DNAJC7: variants seen among roughly 807,000 people sequenced by gnomAD.
The protein encoded by DNAJC7 is dnaJ homolog subfamily C member 7.
In DNAJC7, 18 loss-of-function variants were observed where a neutral mutation model predicts 67.4. That is an observed-to-expected ratio of 0.27 (90% confidence interval 0.18 to 0.40). The LOEUF is 0.40. DNAJC7 is among the 10% of genes least tolerant of loss of function. DNAJC7 has a pLI of 1.00. For synonymous variants in DNAJC7, 220 were observed against 207.8 expected, an observed-to-expected ratio of 1.06 and a Z score of -0.50; for missense variants, 419 against 613.8, an observed-to-expected ratio of 0.68 and a Z score of 3.35.
At chr17:41,978,695 T>TA (rs1195708335) in intron 12 of DNAJC7, among the ~76,000 whole-genome samples, 10 of 151,500 alleles carry the variant, frequency 6.6e-5, no homozygotes, top group Non-Finnish European at 1.2e-4. Context: ...CCGTCTCTAC[T>TA]AAAAAAAATA....
chr17:42,000,035 T>C (rs1457310869), intron 2 of DNAJC7, among the ~76,000 whole-genome samples: 2 of 146,726 alleles, frequency 1.4e-5, no homozygotes, highest in Non-Finnish European at 3.0e-5. Flanking sequence ...GCCAGAGTGG[T>C]CTGAAACCCC....
At chr17:41,997,937 A>G (rs1357859483) in intron 2 of DNAJC7, among the ~76,000 whole-genome samples, 1 of 152,152 alleles carries the variant, frequency 6.6e-6, no homozygotes, top group East Asian at 1.9e-4. Context: ...ATCTCTGCTC[A>G]CTGCATCCTC....
Position 42,017,357 on chromosome 17 carries a change from G to T in DNAJC7, c.60C>A (p.Asp20Glu). ...CCGGTTACCTCTTCGCCTCTTGGTC[G>T]TCGAGCAGCTCCGGCTCGGTCGCCG... ...VMAATEPELL[D>E]DQEAKREAET... The change falls in exon 1 of 14, where the codon GAC (aspartate) becomes GAA (glutamate). Residue 20 changes from aspartate (D) to glutamate (E), a missense_variant. Coordinates refer to ENST00000457167, the MANE Select transcript of DNAJC7 (RefSeq NM_003315.4). 1 of 1,611,496 alleles carries T rather than the reference G, an allele frequency of 6.2e-7. No homozygotes were observed.
intron 5 of DNAJC7, among the ~76,000 whole-genome samples, chr17:41,993,186 G>A (rs931664864): frequency 2.6e-5 from 4 of 152,224 alleles, no homozygotes; most frequent in Non-Finnish European, 5.9e-5. Context: ...GAGGCCAGGC[G>A]TGGTGGCTCA....
At chr17:41,977,170 G>C (rs1459770714) in intron 13 of DNAJC7, 91 bp downstream of exon 13, 1 of 1,291,958 alleles carries the variant, frequency 7.7e-7, no homozygotes, top group African/African-American at 1.5e-5. Context: ...CCCCGCTCAT[G>C]GGCCCCTCTG....
chr17:41,980,422 G>A (rs2051219175), intron 12 of DNAJC7, among the ~76,000 whole-genome samples: 1 of 151,724 alleles, frequency 6.6e-6, no homozygotes, highest in Non-Finnish European at 1.5e-5. Flanking sequence ...GTCGCACTCT[G>A]TAACCCAAGC....
chr17:42,006,169 C>T (rs2051947595), intron 1 of DNAJC7, among the ~76,000 whole-genome samples: 1 of 149,908 alleles, frequency 6.7e-6, no homozygotes, highest in African/African-American at 2.5e-5. Flanking sequence ...TGGTCTCAAT[C>T]TCCTGACCTC....
intron 12 of DNAJC7, among the ~76,000 whole-genome samples, chr17:41,980,865 G>T (rs1200756292): frequency 1.3e-5 from 2 of 152,318 alleles, no homozygotes. Flanking sequence ...GGGTAAAAAA[G>T]AACTTCCAGA....
rs1439331263 is a variant in DNAJC7 at position 41,977,277 on chromosome 17, G to A, written c.1431C>T (p.Gly477=). ...CCCACCTACCTTCAAAGCTGAAGCCGCCAGGACCGCCAAAGAATGCCTTGA... is the reference window on the plus strand; with the variant it reads ...CCCACCTACCTTCAAAGCTGAAGCCACCAGGACCGCCAAAGAATGCCTTGA... ...NIFKAFFGGP[G]GFSFEASGPG... Residue 477 remains glycine, a synonymous_variant, in exon 13 of 14, where the codon GGC becomes GGT. Transcript: ENST00000457167. The A allele has an allele frequency of 6.3e-6, 10 of 1,582,778 alleles. No homozygotes were observed. Among genetic ancestry groups the A allele is most frequent in the South Asian group, 1.2e-5 (1 of 86,176 alleles).
At chr17:41,982,783 A>G (rs1270868895) in intron 10 of DNAJC7, among the ~76,000 whole-genome samples, 8 of 152,030 alleles carry the variant, frequency 5.3e-5, no homozygotes, top group Admixed American at 5.2e-4. Context: ...ACATGGTGAA[A>G]CCCCATCCCT....
At chr17:41,978,614 C>T (rs2051154225) in intron 12 of DNAJC7, among the ~76,000 whole-genome samples, 1 of 150,402 alleles carries the variant, frequency 6.6e-6, no homozygotes, top group Non-Finnish European at 1.5e-5. Flanking sequence ...AATCCCAGCA[C>T]TTTGGGAGGC....
intron 1 of DNAJC7, chr17:42,013,119 A>G (rs1011545531): frequency 4.6e-5 from 7 of 152,166 alleles, no homozygotes; most frequent in African/African-American, 1.7e-4. Flanking sequence ...AAATGTTTTT[A>G]TAGAGACTAA....
At chr17:41,982,113 C>T in intron 11 of DNAJC7, 106 bp from the exon 12 acceptor site, 1 of 1,555,274 alleles carries the variant, frequency 6.4e-7, no homozygotes, top group Non-Finnish European at 8.7e-7. Flanking sequence ...TGGCACTTCC[C>T]AAAATTTGGA....
intron 3 of DNAJC7, 91 bp from the exon 4 acceptor site, chr17:41,996,515 A>G (rs1332333476): frequency 5.2e-6 from 6 of 1,161,390 alleles, no homozygotes; most frequent in Non-Finnish European, 7.4e-6. Flanking sequence ...CAAAACCAAC[A>G]CAGAGGCCAG....
intron 5 of DNAJC7, among the ~76,000 whole-genome samples, chr17:41,993,581 CT>C (rs2051568181): frequency 6.6e-6 from 1 of 152,240 alleles, no homozygotes; most frequent in African/African-American, 2.4e-5. Context: ...TAGTCACAAA[CT>C]TAAGTGATCC....
chr17:42,005,301 T>G (rs1423261872), intron 1 of DNAJC7, among the ~76,000 whole-genome samples: 1 of 152,198 alleles, frequency 6.6e-6, no homozygotes, highest in African/African-American at 2.4e-5. Context: ...ACAGCTCAAC[T>G]AAATTAAAAA....
chr17:41,987,754 C>A, intron 9 of DNAJC7, 65 bp downstream of exon 9: 1 of 1,407,518 alleles, frequency 7.1e-7, no homozygotes, highest in Non-Finnish European at 9.8e-7. Flanking sequence ...CTTCGTCATC[C>A]ACAAGGCAAT....
intron 9 of DNAJC7, chr17:41,984,808 C>CT (rs754402715): frequency 2.0e-5 from 3 of 152,056 alleles, no homozygotes; most frequent in South Asian, 4.2e-4. Flanking sequence ...TTCTTACCTG[C>CT]TACCACACAA....
At position 41,983,566 on chromosome 17, in the gene DNAJC7, T is replaced by C. The variant is rs1299243114; in HGVS notation, c.1081A>G (p.Lys361Glu). The change falls in exon 10 of 14, where the codon AAA (lysine) becomes GAA (glutamate). Residue 361 changes from lysine (K) to glutamate (E), a missense_variant. By Grantham distance (56) the Lys-to-Glu change is moderately conservative. This residue lies in a region of DNAJC7 where 161 missense variants were observed against 252.2 expected (regional missense o/e 0.64). Coordinates refer to ENST00000457167, the MANE Select transcript of DNAJC7 (RefSeq NM_003315.4). ...AAACAAATGCTTTTAAACTTACCTTTTGTTTTCTCTGTCTGGTATACTTTT... is the reference window on the plus strand; with the variant it reads ...AAACAAATGCTTTTAAACTTACCTTCTGTTTTCTCTGTCTGGTATACTTTT... The part of the protein sequence containing the change: ...YEKVYQTEKT[K>E]EHKQLLKNAQ... 7 of 1,586,386 alleles carry C rather than the reference T, an allele frequency of 4.4e-6. No homozygotes were observed. Among genetic ancestry groups the C allele is most frequent in the Non-Finnish European group, 6.0e-6 (7 of 1,164,770 alleles).
Sources: allele counts gnomAD v4.1 joint callset (sites outside exome capture counted in the v4.1 genomes callset), GRCh38; gene constraint gnomAD v4.1.1; regional missense constraint gnomAD v4.1.1; transcripts MANE v1.5; gene names NCBI Gene and HGNC (gene_info 2026-07-23, HGNC 2026-07-21).